SHLD2: variants seen among roughly 807,000 people sequenced by gnomAD.
SHLD2 encodes the protein RINN1-REV7-interacting novel NHEJ regulator 2.
Under a neutral mutation model 73.2 loss-of-function variants are expected in SHLD2, and 30 were observed. The ratio of observed to expected loss-of-function variants is 0.41; its 90% confidence interval spans 0.31 to 0.56. The LOEUF is 0.56. SHLD2 is among the 20% of genes least tolerant of loss of function. The probability of loss-of-function intolerance (pLI) is 0.28; values close to 1 mark genes in which losing one functional copy is unlikely to be tolerated. For missense variants in SHLD2, 745 were observed against 1,055.9 expected, an observed-to-expected ratio of 0.71 and a Z score of 4.08; for synonymous variants, 285 against 370.1, an observed-to-expected ratio of 0.77 and a Z score of 2.64.
rs191031616 is a variant in SHLD2, at chr10:87,186,723, T to C, written c.2400-362T>C. Among the ~76,000 whole-genome samples the C allele has an allele frequency of 3.4e-3, 517 of 152,324 alleles. 3 individuals carry two copies. The highest frequency in any genetic ancestry group is 0.012 in the African/African-American group (483 of 41,570). On this transcript the variant is annotated intron_variant, in intron 8 of 9. Coordinates refer to ENST00000298786, the MANE Select transcript of SHLD2 (RefSeq NM_001330112.2). Reference sequence around the variant, plus strand: ...GATATGCAAAACAGTTTATTTCTGATAGGAAAGAATTCAGTTGAAAAAAGT... The same window carrying C: ...GATATGCAAAACAGTTTATTTCTGACAGGAAAGAATTCAGTTGAAAAAAGT...
intron 7 of SHLD2, among the ~76,000 whole-genome samples, chr10:87,176,514 A>G (rs1847962052): frequency 6.6e-6 from 1 of 152,260 alleles, no homozygotes. Context: ...ATTCTATATA[A>G]AAGTGAAATA....
chr10:87,139,607 C>G (rs1279047996), intron 2 of SHLD2, among the ~76,000 whole-genome samples: 5 of 152,208 alleles, frequency 3.3e-5, no homozygotes. Context: ...TGACTCACGC[C>G]TACACACTTG....
intron 8 of SHLD2, among the ~76,000 whole-genome samples, chr10:87,184,571 C>A (rs1423020074): frequency 6.6e-6 from 1 of 152,098 alleles, no homozygotes; most frequent in African/African-American, 2.4e-5. Flanking sequence ...CCCCTTTATT[C>A]TCTACCCATT....
At chr10:87,165,524 G>A (rs1847136543) in intron 4 of SHLD2, among the ~76,000 whole-genome samples, 1 of 152,124 alleles carries the variant, frequency 6.6e-6, no homozygotes, top group African/African-American at 2.4e-5. Context: ...TGCCAAAAAT[G>A]CATAACTTCA....
intron 4 of SHLD2, among the ~76,000 whole-genome samples, chr10:87,165,406 C>T (rs11202361): frequency 0.011 from 1,717 of 152,128 alleles, 35 homozygotes; most frequent in African/African-American, 0.039. Context: ...CTTCAGACAC[C>T]AAGTTAACTG....
At chr10:87,172,354 T>C (rs1216336684) in intron 6 of SHLD2, among the ~76,000 whole-genome samples, 4 of 152,164 alleles carry the variant, frequency 2.6e-5, no homozygotes, top group African/African-American at 9.7e-5. Context: ...CCAGAGTAAA[T>C]TTGATTCAAA....
intron 2 of SHLD2, among the ~76,000 whole-genome samples, chr10:87,126,698 G>A (rs2134118956): frequency 6.6e-6 from 1 of 152,086 alleles, no homozygotes; most frequent in East Asian, 1.9e-4. Flanking sequence ...ATGATTTCTA[G>A]GAGGAATGAT....
chr10:87,112,537 G>T (rs1434313398), intron 2 of SHLD2, among the ~76,000 whole-genome samples: 2 of 150,962 alleles, frequency 1.3e-5, no homozygotes, highest in Non-Finnish European at 3.0e-5. Flanking sequence ...GAGAAGCTGA[G>T]GTGGGAGGAT....
In SHLD2 at chr10:87,151,707, C is replaced by T. The variant is rs137989844; in HGVS notation, c.353C>T (p.Ser118Phe). ...HSSRLSDITS[S>F]NMQICGFKST... ...TCTAGACTGAGTGATATAACTAGCT[C>T]TAATATGCAAATATGTGGATTTAAA... The change falls in exon 3 of 10, where the codon TCT becomes TTT. Residue 118 changes from serine (S) to phenylalanine (F), a missense_variant. Coordinates refer to ENST00000298786, the MANE Select transcript of SHLD2 (RefSeq NM_001330112.2). The T allele has an allele frequency of 7.8e-5, 125 of 1,611,792 alleles. No individual in the cohort carries two copies. The highest frequency in any genetic ancestry group is 1.0e-4 in the Non-Finnish European group (120 of 1,179,828).
intron 4 of SHLD2, among the ~76,000 whole-genome samples, chr10:87,163,427 A>C (rs9420458): frequency 6.6e-6 from 1 of 152,212 alleles, no homozygotes. Flanking sequence ...AATGAATGTA[A>C]TATTGTTACA....
At chr10:87,146,825 A>C (rs767157089) in intron 2 of SHLD2, among the ~76,000 whole-genome samples, 539 of 143,512 alleles carry the variant, frequency 3.8e-3, no homozygotes, top group South Asian at 5.1e-3. Context: ...GGGAGGCCGA[A>C]GCAGGCGGAT....
chr10:87,117,359 C>T (rs977877885), intron 2 of SHLD2, among the ~76,000 whole-genome samples: 1 of 152,054 alleles, frequency 6.6e-6, no homozygotes, highest in East Asian at 1.9e-4. Flanking sequence ...GTGGAAGTTT[C>T]GGTGAGCCGA....
chr10:87,112,682 A>AC (rs1274891987), intron 2 of SHLD2, among the ~76,000 whole-genome samples: 1 of 150,040 alleles, frequency 6.7e-6, no homozygotes, highest in Non-Finnish European at 1.5e-5. Context: ...ACCAATTCAC[A>AC]CCCACTAGAA....
intron 2 of SHLD2, among the ~76,000 whole-genome samples, chr10:87,142,130 A>T (rs1845241627): frequency 6.6e-6 from 1 of 152,230 alleles, no homozygotes; most frequent in South Asian, 2.1e-4. Flanking sequence ...TGTACTTACC[A>T]GCTGAATAAA....
chr10:87,180,045 A>C, intron 7 of SHLD2, 30 bp from the exon 8 acceptor site: 1 of 1,586,032 alleles, frequency 6.3e-7, no homozygotes, highest in Non-Finnish European at 8.7e-7. Context: ...TGGCCCAATA[A>C]TTTATAATAT....
Position 87,190,625 on chromosome 10 carries a change from T to A in SHLD2, c.2657T>A (p.Phe886Tyr), listed in dbSNP as rs1289692892. 6.2e-7 allele frequency: 1 copy of A among 1,611,828 alleles called. No homozygotes were observed. The highest frequency in any genetic ancestry group is 8.5e-7 in the Non-Finnish European group (1 of 1,179,832). The change falls in exon 10 of 10, where the codon TTC (phenylalanine) becomes TAC (tyrosine). Residue 886 changes from phenylalanine to tyrosine, a missense_variant. Phe to Tyr is a conservative substitution (Grantham distance 22). This residue lies in a region of SHLD2 where 418 missense variants were observed against 567.8 expected (regional missense o/e 0.74). Coordinates refer to ENST00000298786, the MANE Select transcript of SHLD2 (RefSeq NM_001330112.2). ...DENSYPLQQD[F>Y]SLLDFYPDIV... The stretch of plus-strand genomic sequence containing the variant: ...AACAGCTATCCATTACAACAAGATT[T>A]CTCCCTCCTGGATTTTTATCCTGAC...
At chr10:87,173,196 T>A (rs1847721750) in intron 6 of SHLD2, among the ~76,000 whole-genome samples, 1 of 150,732 alleles carries the variant, frequency 6.6e-6, no homozygotes, top group South Asian at 2.1e-4. Context: ...CCCAGCTTAT[T>A]TTTGTATTTT....
chr10:87,165,643 C>T (rs1404657078), intron 4 of SHLD2, among the ~76,000 whole-genome samples: 1 of 152,122 alleles, frequency 6.6e-6, no homozygotes, highest in Non-Finnish European at 1.5e-5. Context: ...GACTGAGAAA[C>T]TCTTATAGAC....
chr10:87,150,901 A>G (rs1161871320), intron 2 of SHLD2, among the ~76,000 whole-genome samples: 2 of 151,764 alleles, frequency 1.3e-5, no homozygotes, highest in African/African-American at 4.8e-5. Flanking sequence ...ATCTAGGCTC[A>G]CTGCAACCTC....
Sources: allele counts gnomAD v4.1 joint callset (sites outside exome capture counted in the v4.1 genomes callset), GRCh38; gene constraint gnomAD v4.1.1; regional missense constraint gnomAD v4.1.1; transcripts MANE v1.5; gene names NCBI Gene and HGNC (gene_info 2026-07-23, HGNC 2026-07-21).